The following DPP10 variants were observed in gnomAD, a reference collection of about 807,000 sequenced individuals.
The protein encoded by DPP10 is dipeptidyl peptidase like 10.
A neutral mutation model predicts 120.9 loss-of-function variants in DPP10; 33 were observed. The observed-to-expected ratio is 0.27, with a 90% CI of 0.21 to 0.37. The LOEUF (loss-of-function observed/expected upper bound fraction) is 0.37. Ranked by LOEUF, DPP10 falls within the 10% of genes least tolerant of loss-of-function variation. The pLI, the probability that DPP10 is intolerant of heterozygous loss-of-function variation, is 1.00. For missense variants in DPP10, 816 were observed against 942.8 expected (o/e 0.87, Z 1.76); for synonymous variants, 337 against 326.1 (o/e 1.03, Z -0.36).
At chr2:115,603,564 T>TTTTG (rs1558912761) in intron 5 of DPP10, among the ~76,000 whole-genome samples, 1 of 95,382 alleles carries the variant, frequency 1.0e-5, no homozygotes, top group African/African-American at 7.3e-5. Context: ...GTTGTTGTTT[T>TTTTG]TTTTTGTTTT....
At chr2:115,013,954 G>A (rs531323759) in intron 1 of DPP10, among the ~76,000 whole-genome samples, 1 of 152,130 alleles carries the variant, frequency 6.6e-6, no homozygotes, top group East Asian at 1.9e-4. Context: ...AAATTAACAA[G>A]CATATTCAGG....
At chr2:114,584,552 C>T (rs551709349) in intron 1 of DPP10, among the ~76,000 whole-genome samples, 2 of 114,626 alleles carry the variant, frequency 1.7e-5, no homozygotes, top group Non-Finnish European at 3.4e-5. Flanking sequence ...CCCCTCCCCC[C>T]ACCCCACAAC....
chr2:115,244,191 A>G, intron 1 of DPP10, among the ~76,000 whole-genome samples: 1 of 142,286 alleles, frequency 7.0e-6, no homozygotes, highest in African/African-American at 2.6e-5. Context: ...TGGCAGTCTC[A>G]GTGTCTATAT....
intron 1 of DPP10, among the ~76,000 whole-genome samples, chr2:115,173,056 G>A (rs1371557622): frequency 6.6e-6 from 1 of 152,166 alleles, no homozygotes; most frequent in Non-Finnish European, 1.5e-5. Flanking sequence ...TTTTGAAAAT[G>A]GAAAACTGAA....
chr2:114,497,303 GTGTATA>G (rs1682700296), intron 1 of DPP10, among the ~76,000 whole-genome samples: 4 of 46,538 alleles, frequency 8.6e-5, no homozygotes, highest in South Asian at 4.6e-4. Flanking sequence ...ACATGTATAC[GTGTATA>G]CATGTACATG....
intron 1 of DPP10, among the ~76,000 whole-genome samples, chr2:114,751,021 T>G (rs1477546734): frequency 6.6e-6 from 1 of 152,222 alleles, no homozygotes; most frequent in Non-Finnish European, 1.5e-5. Flanking sequence ...TCAACCCTCT[T>G]GAAAATGTTA....
intron 1 of DPP10, among the ~76,000 whole-genome samples, chr2:115,306,479 A>C (rs1322149428): frequency 1.3e-5 from 2 of 152,106 alleles, no homozygotes; most frequent in Non-Finnish European, 2.9e-5. Context: ...GATACAGATA[A>C]TTATTCTTCT....
intron 5 of DPP10, among the ~76,000 whole-genome samples, chr2:115,569,889 T>C (rs2081239629): frequency 6.6e-6 from 1 of 152,214 alleles, no homozygotes; most frequent in Non-Finnish European, 1.5e-5. Flanking sequence ...AATAAAACAC[T>C]AATAAAATGC....
At chr2:114,942,600 T>G (rs1697045962) in intron 1 of DPP10, among the ~76,000 whole-genome samples, 1 of 151,636 alleles carries the variant, frequency 6.6e-6, no homozygotes, top group African/African-American at 2.4e-5. Context: ...GAATCCCTGG[T>G]GCAGCTACTC....
At chr2:115,100,526 A>C (rs2048634677) in intron 1 of DPP10, among the ~76,000 whole-genome samples, 1 of 152,086 alleles carries the variant, frequency 6.6e-6, no homozygotes, top group South Asian at 2.1e-4. Flanking sequence ...ATATATACAC[A>C]CATATATTTG....
intron 3 of DPP10, among the ~76,000 whole-genome samples, chr2:115,360,488 C>T (rs1259011887): frequency 2.6e-5 from 4 of 152,136 alleles, no homozygotes; most frequent in African/African-American, 9.7e-5. Context: ...CATTAGATGG[C>T]ATTTAAGAAT....
chr2:114,690,460 G>A (rs1303760675), intron 1 of DPP10, among the ~76,000 whole-genome samples: 6 of 151,948 alleles, frequency 3.9e-5, no homozygotes, highest in Non-Finnish European at 5.9e-5. Context: ...TCTTGTACCC[G>A]TACCATGCTG....
chr2:115,609,940 A>G (rs752447026), intron 5 of DPP10, among the ~76,000 whole-genome samples: 1 of 152,236 alleles, frequency 6.6e-6, no homozygotes, highest in Non-Finnish European at 1.5e-5. Flanking sequence ...AATATCTAAA[A>G]TTACAAAATC....
intron 1 of DPP10, among the ~76,000 whole-genome samples, chr2:114,528,505 G>A (rs1277743325): frequency 1.3e-5 from 2 of 151,928 alleles, no homozygotes; most frequent in East Asian, 1.9e-4. Flanking sequence ...GGCAGGGACT[G>A]CACTATTCAT....
At chr2:115,098,022 A>G (rs532726607) in intron 1 of DPP10, among the ~76,000 whole-genome samples, 2 of 152,310 alleles carry the variant, frequency 1.3e-5, no homozygotes, top group African/African-American at 4.8e-5. Context: ...GCCACAGCAG[A>G]TTCATCTTTT....
intron 1 of DPP10, among the ~76,000 whole-genome samples, chr2:115,013,364 A>G (rs12611989): frequency 0.58 from 88,673 of 151,938 alleles, 26,011 homozygotes; most frequent in South Asian, 0.67. Context: ...AGAGATATCC[A>G]CTGTAGTCTG....
intron 1 of DPP10, among the ~76,000 whole-genome samples, chr2:114,698,246 G>A (rs1700182158): frequency 1.3e-5 from 2 of 152,014 alleles, no homozygotes; most frequent in Admixed American, 1.3e-4. Context: ...AGGGAAGCCA[G>A]CTTCCATATC....
intron 1 of DPP10, among the ~76,000 whole-genome samples, chr2:114,624,702 A>G (rs1421591419): frequency 6.6e-6 from 1 of 151,998 alleles, no homozygotes; most frequent in Non-Finnish European, 1.5e-5. Flanking sequence ...ATGATTACTA[A>G]TGTGTTAATA....
At chr2:114,632,998 CAT>C (rs1358898743) in intron 1 of DPP10, among the ~76,000 whole-genome samples, 1 of 151,936 alleles carries the variant, frequency 6.6e-6, no homozygotes, top group Admixed American at 6.6e-5. Context: ...AAACCTCAGA[CAT>C]AGAATTAGCT....
Sources: allele counts gnomAD v4.1 joint callset (sites outside exome capture counted in the v4.1 genomes callset), GRCh38; gene constraint gnomAD v4.1.1; transcripts MANE v1.5; gene names NCBI Gene and HGNC (gene_info 2026-07-23, HGNC 2026-07-21).